Variants in COG3 observed in about 807,000 individuals in gnomAD.
The protein encoded by COG3 is component of oligomeric golgi complex 3.
Under a neutral mutation model 114.1 loss-of-function variants are expected in COG3, and 32 were observed. The ratio of observed to expected loss-of-function variants is 0.28; its 90% CI spans 0.21 to 0.38. The LOEUF (loss-of-function observed/expected upper bound fraction) is 0.38, where lower values mean the gene tolerates loss of function less well. Among genes scored for constraint, COG3 ranks in the 10% least tolerant of loss-of-function variants. The pLI, the probability that COG3 is intolerant of heterozygous loss-of-function variation, is 1.00. For missense variants in COG3, 813 were observed against 973.2 expected, an observed-to-expected ratio of 0.84 and a Z score of 2.19; for synonymous variants, 352 against 365.7, an observed-to-expected ratio of 0.96 and a Z score of 0.43.
intron 14 of COG3, among the ~76,000 whole-genome samples, chr13:45,504,321 C>T (rs1461143872): frequency 6.6e-6 from 1 of 152,192 alleles, no homozygotes; most frequent in Non-Finnish European, 1.5e-5. Context: ...GAGGGAGGAC[C>T]CACAGAGGGC....
chr13:45,465,064 C>T lies in COG3; in HGVS notation c.28C>T (p.Pro10Ser), dbSNP rs1885042720. 1.9e-6 allele frequency: 3 copies of T among 1,593,266 alleles called. No homozygotes were observed. The highest frequency in any genetic ancestry group is 2.7e-5 in the African/African-American group (2 of 74,474). The change falls in exon 1 of 23, where the codon CCT becomes TCT. Residue 10 changes from proline to serine, a missense_variant. By Grantham distance (74) the Pro-to-Ser change is moderately conservative. Coordinates refer to ENST00000349995, the MANE Select transcript of COG3 (RefSeq NM_031431.4). ...GGCGGAGGCGGCGCTGTTGCTGCTG[C>T]CTGAGGCGGCGGCGGAGCGGGACGC... The part of the protein sequence containing the change: MAEAALLLL[P>S]EAAAERDARE...
intron 16 of COG3, among the ~76,000 whole-genome samples, chr13:45,514,719 C>G (rs985851108): frequency 6.6e-6 from 1 of 151,896 alleles, no homozygotes; most frequent in African/African-American, 2.4e-5. Flanking sequence ...GTGATCTTGG[C>G]TCACTGCAAG....
At chr13:45,526,599 G>T (rs1283042136) in intron 20 of COG3, among the ~76,000 whole-genome samples, 1 of 152,184 alleles carries the variant, frequency 6.6e-6, no homozygotes, top group Admixed American at 6.5e-5. Flanking sequence ...AATAAACTTT[G>T]TGACATACTT....
chr13:45,486,304 C>T lies in COG3; in HGVS notation c.844-191C>T, dbSNP rs542979325. On this transcript the variant is annotated intron_variant, in intron 7 of 22. Transcript: ENST00000349995. ...AGGGAGACCATCGGGAGACGGGAGA[C>T]GGGAGACGGGAGACGGGAGACGGGA... Among the ~76,000 whole-genome samples the T allele has an allele frequency of 9.9e-5, 6 of 60,374 alleles. No homozygotes were observed. In the East Asian group the frequency reaches 1.8e-3, roughly 18 times the overall value. 39.6% of individuals were successfully genotyped at this position (60,374 alleles called of 152,430 possible). A position where few individuals can be genotyped will look rare whatever the true frequency, so the allele number is the denominator to read the frequency against.
intron 8 of COG3, among the ~76,000 whole-genome samples, chr13:45,489,262 CAAAAAAAAA>C (rs377551623): frequency 0.011 from 461 of 43,596 alleles, 56 homozygotes; most frequent in African/African-American, 0.04. Flanking sequence ...GACCCAGCCT[CAAAAAAAAA>C]AAAAAAAAAG....
intron 13 of COG3, among the ~76,000 whole-genome samples, chr13:45,502,357 A>G (rs754930105): frequency 2.0e-5 from 3 of 152,170 alleles, no homozygotes; most frequent in Non-Finnish European, 4.4e-5. Context: ...ATTTAGTGGT[A>G]TATTTGGTAT....
intron 14 of COG3, among the ~76,000 whole-genome samples, chr13:45,508,894 A>G (rs1041243139): frequency 1.3e-5 from 2 of 152,128 alleles, no homozygotes; most frequent in African/African-American, 2.4e-5. Context: ...CCTGTATGTG[A>G]TTTGACTCAG....
chr13:45,494,325 TAAAAAA>T (rs756763419), intron 12 of COG3, among the ~76,000 whole-genome samples: 1 of 117,042 alleles, frequency 8.5e-6, no homozygotes, highest in Non-Finnish European at 1.8e-5. Context: ...GACTCTGTCT[TAAAAAA>T]AAAAAAAAAA....
At position 45,534,721 on chromosome 13, in the gene COG3, T is replaced by C. The variant is rs74854040; in HGVS notation, c.2477T>C (p.Val826Ala). The change falls in exon 23 of 23, where the codon GTT becomes GCT. Residue 826 changes from valine (V) to alanine (A), a missense_variant. Physicochemically the swap from Val to Ala is moderately conservative, Grantham distance 64. Transcript: ENST00000349995. ...TTTCAGCTGAGCCTTCTGCTGTTGGTTTCTAAATAAGCAGGCCAGCCGGGC... is the reference window on the plus strand; with the variant it reads ...TTTCAGCTGAGCCTTCTGCTGTTGGCTTCTAAATAAGCAGGCCAGCCGGGC... ...SMEQLSLLLL[V>A]SK The C allele has an allele frequency of 4.1e-3, 6,374 of 1,564,602 alleles. 209 individuals are homozygous for C. The African/African-American group carries it at 0.074, about 18-fold the overall frequency.
intron 1 of COG3, among the ~76,000 whole-genome samples, chr13:45,475,638 T>C (rs1885813514): frequency 6.6e-6 from 1 of 152,150 alleles, no homozygotes; most frequent in South Asian, 2.1e-4. Context: ...AGAAAATGTG[T>C]GTGGATTAGT....
chr13:45,505,108 A>G (rs974767947), intron 14 of COG3, among the ~76,000 whole-genome samples: 18 of 151,256 alleles, frequency 1.2e-4, no homozygotes, highest in African/African-American at 4.4e-4. Flanking sequence ...AATCTCTTGA[A>G]CCCAGGAGGT....
At chr13:45,526,438 A>T (rs190999982) in intron 20 of COG3, among the ~76,000 whole-genome samples, 12 of 152,214 alleles carry the variant, frequency 7.9e-5, no homozygotes, top group African/African-American at 2.9e-4. Flanking sequence ...GAACTGAGAA[A>T]TTAGAAGAAT....
intron 5 of COG3, 33 bp downstream of exon 5, chr13:45,481,337 G>C: frequency 8.4e-7 from 1 of 1,196,338 alleles, no homozygotes; most frequent in Non-Finnish European, 1.2e-6. Context: ...TATAAAGTTA[G>C]TGATTTTTGT....
chr13:45,508,353 CA>C (rs1223131858), intron 14 of COG3, among the ~76,000 whole-genome samples: 31 of 147,134 alleles, frequency 2.1e-4, no homozygotes, highest in African/African-American at 7.4e-4. Context: ...AACTTGGATT[CA>C]AGACTTAACA....
intron 14 of COG3, among the ~76,000 whole-genome samples, chr13:45,505,263 C>T (rs1870004370): frequency 1.3e-5 from 2 of 150,124 alleles, no homozygotes; most frequent in Non-Finnish European, 3.0e-5. Context: ...ATATTTTGGA[C>T]ATATTGGATT....
chr13:45,497,328 G>A (rs779213395), intron 13 of COG3, among the ~76,000 whole-genome samples: 1 of 152,140 alleles, frequency 6.6e-6, no homozygotes, highest in Non-Finnish European at 1.5e-5. Flanking sequence ...AACAGAATTA[G>A]AACTTCTTAA....
At chr13:45,531,696 G>A (rs1004806759) in intron 22 of COG3, among the ~76,000 whole-genome samples, 1 of 151,918 alleles carries the variant, frequency 6.6e-6, no homozygotes, top group African/African-American at 2.4e-5. Context: ...GGTAGACAGA[G>A]GGTTTCACCA....
intron 2 of COG3, 97 bp downstream of exon 2, chr13:45,476,444 C>T: frequency 8.4e-7 from 1 of 1,191,404 alleles, no homozygotes; most frequent in Non-Finnish European, 1.2e-6. Flanking sequence ...ACATTTGTCA[C>T]CATAATTAAC....
At chr13:45,494,907 G>A (rs867538397) in intron 12 of COG3, among the ~76,000 whole-genome samples, 9 of 140,118 alleles carry the variant, frequency 6.4e-5, no homozygotes, top group Non-Finnish European at 1.2e-4. Flanking sequence ...GTGCAGTGGC[G>A]CGATCTCGGC....
Sources: gnomAD v4.1 joint callset for allele counts (sites outside exome capture counted in the v4.1 genomes callset) on GRCh38, gnomAD v4.1.1 for gene constraint, MANE v1.5 for transcripts, NCBI Gene and HGNC (gene_info 2026-07-23, HGNC 2026-07-21) for gene names.